The following LRRC4C variants were observed in gnomAD, a reference collection of about 807,000 sequenced individuals.
The protein encoded by LRRC4C is leucine-rich repeat-containing protein 4C.
Under a neutral mutation model 33.6 loss-of-function variants are expected in LRRC4C, and 5 were observed. The observed-to-expected ratio is 0.15, with a 90% CI of 0.08 to 0.31. The LOEUF (loss-of-function observed/expected upper bound fraction) is 0.31. LRRC4C is among the 10% of genes least tolerant of loss of function. The pLI, the probability that LRRC4C is intolerant of heterozygous loss-of-function variation, is 1.00. For synonymous variants in LRRC4C, 329 were observed against 302.0 expected, an observed-to-expected ratio of 1.09 and a Z score of -0.93; for missense variants, 560 against 796.7, an observed-to-expected ratio of 0.70 and a Z score of 3.58.
chr11:40,888,433 A>C (rs1203137937), intron 2 of LRRC4C, among the ~76,000 whole-genome samples: 1 of 151,960 alleles, frequency 6.6e-6, no homozygotes, highest in Non-Finnish European at 1.5e-5. Context: ...ATGTTCGAAG[A>C]TTACCCATGA....
chr11:41,381,753 T>C (rs2137896673), intron 1 of LRRC4C, among the ~76,000 whole-genome samples: 1 of 151,824 alleles, frequency 6.6e-6, no homozygotes, highest in South Asian at 2.1e-4. Flanking sequence ...ATTTAAAATA[T>C]CCAATTTATA....
At chr11:41,301,450 G>A (rs1402207518) in intron 1 of LRRC4C, among the ~76,000 whole-genome samples, 1 of 152,090 alleles carries the variant, frequency 6.6e-6, no homozygotes, top group Non-Finnish European at 1.5e-5. Flanking sequence ...AACCAAAAGA[G>A]TTTTGTATTT....
At chr11:40,767,228 G>A (rs1458896617) in intron 2 of LRRC4C, among the ~76,000 whole-genome samples, 1 of 151,874 alleles carries the variant, frequency 6.6e-6, no homozygotes, top group African/African-American at 2.4e-5. Context: ...AAAAGACAAA[G>A]GAGGTAATTA....
rs111321944 is a variant in LRRC4C at position 41,098,934 on chromosome 11, G to A, written c.-495-165211C>T. On this transcript the variant is annotated intron_variant, in intron 1 of 6. Transcript: ENST00000528697. ...GAAAAAAAATTGATAAGATAGAGACGCTGCTAGCTAGAATAATAAAGAAGA... is the reference window on the plus strand; with the variant it reads ...GAAAAAAAATTGATAAGATAGAGACACTGCTAGCTAGAATAATAAAGAAGA... Among the ~76,000 whole-genome samples, 1,347 of 151,906 alleles carry A rather than the reference G, an allele frequency of 8.9e-3. 20 individuals are homozygous for A. The highest frequency in any genetic ancestry group is 0.03 in the African/African-American group (1,236 of 41,474).
At chr11:40,504,688 T>C (rs1303844480) in intron 3 of LRRC4C, among the ~76,000 whole-genome samples, 1 of 152,236 alleles carries the variant, frequency 6.6e-6, no homozygotes, top group Non-Finnish European at 1.5e-5. Flanking sequence ...CTAAAATCAA[T>C]ATTAAATTAT....
intron 2 of LRRC4C, among the ~76,000 whole-genome samples, chr11:40,649,243 C>T (rs1289563857): frequency 2.0e-5 from 3 of 152,082 alleles, no homozygotes; most frequent in Non-Finnish European, 4.4e-5. Flanking sequence ...GAGACCAGGG[C>T]GTATTTCAGT....
At chr11:41,103,058 T>TA (rs1355353805) in intron 1 of LRRC4C, among the ~76,000 whole-genome samples, 3 of 151,920 alleles carry the variant, frequency 2.0e-5, no homozygotes, top group Non-Finnish European at 4.4e-5. Context: ...GTTTATTTTT[T>TA]AAAAAAAGCA....
intron 2 of LRRC4C, among the ~76,000 whole-genome samples, chr11:40,706,988 T>A (rs1306269928): frequency 6.6e-6 from 1 of 152,184 alleles, no homozygotes; most frequent in Non-Finnish European, 1.5e-5. Context: ...GAATGGGAGT[T>A]CACTCATGAT....
intron 1 of LRRC4C, among the ~76,000 whole-genome samples, chr11:41,076,606 C>A (rs777509523): frequency 6.6e-6 from 1 of 152,174 alleles, no homozygotes; most frequent in Non-Finnish European, 1.5e-5. Context: ...CCCTACTGGG[C>A]CCCACCTTCA....
At chr11:40,266,161 G>A (rs1287038214) in intron 4 of LRRC4C, among the ~76,000 whole-genome samples, 4 of 151,980 alleles carry the variant, frequency 2.6e-5, no homozygotes, top group South Asian at 2.1e-4. Context: ...AGCCAGGCAC[G>A]GTTGGGTGGC....
intron 1 of LRRC4C, among the ~76,000 whole-genome samples, chr11:40,999,927 C>T (rs959112801): frequency 5.5e-4 from 83 of 151,948 alleles, no homozygotes; most frequent in Admixed American, 5.1e-3. Context: ...ACAAAGAGGA[C>T]GCTACATGCA....
chr11:41,322,481 T>C (rs930009355), intron 1 of LRRC4C, among the ~76,000 whole-genome samples: 10 of 152,148 alleles, frequency 6.6e-5, no homozygotes, highest in Non-Finnish European at 1.3e-4. Context: ...GTAACTTCAA[T>C]AGTTTCCCTG....
intron 3 of LRRC4C, among the ~76,000 whole-genome samples, chr11:40,507,859 C>T (rs1160039918): frequency 1.3e-5 from 2 of 151,894 alleles, no homozygotes; most frequent in Non-Finnish European, 2.9e-5. Context: ...CCTGCAACAG[C>T]CTCCTGAGTA....
intron 2 of LRRC4C, among the ~76,000 whole-genome samples, chr11:40,753,779 C>A (rs958050486): frequency 1.3e-5 from 2 of 151,790 alleles, no homozygotes; most frequent in African/African-American, 4.8e-5. Context: ...GACCAAGAAC[C>A]CGAATAGACA....
At chr11:41,204,272 A>T (rs1565477341) in intron 1 of LRRC4C, among the ~76,000 whole-genome samples, 2 of 152,252 alleles carry the variant, frequency 1.3e-5, no homozygotes, top group Non-Finnish European at 2.9e-5. Context: ...GAAATATATA[A>T]GGCAGAGATG....
chr11:40,783,707 A>G (rs1459982914), intron 2 of LRRC4C, among the ~76,000 whole-genome samples: 2 of 152,226 alleles, frequency 1.3e-5, no homozygotes, highest in East Asian at 3.9e-4. Context: ...TGTGTTAAAA[A>G]TGCAGCATTT....
intron 2 of LRRC4C, among the ~76,000 whole-genome samples, chr11:40,683,827 A>C (rs1185882108): frequency 1.3e-5 from 2 of 152,226 alleles, no homozygotes; most frequent in African/African-American, 4.8e-5. Flanking sequence ...CCAATGAGGA[A>C]GCATGTCATA....
chr11:40,690,792 C>T (rs374004724), intron 2 of LRRC4C, among the ~76,000 whole-genome samples: 1 of 151,968 alleles, frequency 6.6e-6, no homozygotes, highest in Non-Finnish European at 1.5e-5. Flanking sequence ...AGAGGAAACA[C>T]GCAGAGTTGT....
chr11:40,320,561 C>G (rs1209326014), intron 3 of LRRC4C, among the ~76,000 whole-genome samples: 1 of 151,978 alleles, frequency 6.6e-6, no homozygotes, highest in Non-Finnish European at 1.5e-5. Context: ...TTACATATTC[C>G]TCAGTTTGAT....
Sources: gnomAD v4.1 joint callset for allele counts (sites outside exome capture counted in the v4.1 genomes callset) on GRCh38, gnomAD v4.1.1 for gene constraint, MANE v1.5 for transcripts, NCBI Gene and HGNC (gene_info 2026-07-23, HGNC 2026-07-21) for gene names.